COBLL1: variants seen among roughly 807,000 people sequenced by gnomAD.
COBLL1 encodes cordon-bleu protein-like 1.
COBLL1 carries 50 observed loss-of-function variants against 94.8 expected under a neutral mutation model. The observed-to-expected ratio is 0.53, with a 90% confidence interval of 0.42 to 0.67. The LOEUF (loss-of-function observed/expected upper bound fraction) is 0.67, where lower values mean the gene tolerates loss of function less well. Among genes scored for constraint, COBLL1 ranks in the 30% least tolerant of loss-of-function variants. The probability of loss-of-function intolerance (pLI) is 0.00; values close to 1 mark genes in which losing one functional copy is unlikely to be tolerated. For missense variants in COBLL1, 1,362 were observed against 1,348.7 expected, an observed-to-expected ratio of 1.01 and a Z score of -0.15; for synonymous variants, 448 against 473.8, an observed-to-expected ratio of 0.95 and a Z score of 0.71.
In COBLL1 at chr2:164,841,536, C is replaced by T; in HGVS notation, c.-51+174G>A. 1 of 894,742 alleles carries T rather than the reference C, an allele frequency of 1.1e-6. No individual in the cohort carries two copies. Among genetic ancestry groups the T allele is most frequent in the Non-Finnish European group, 1.4e-6 (1 of 713,960 alleles). The allele number at this position is 894,742 out of a possible 1,614,324, so 55.4% of individuals were successfully genotyped here. ...GCGCCTCTCGGAGGGAGAGGAGCCG[C>T]CGGGGCTGGAAAAGGAGGAGGAGCG... is the stretch of plus-strand genomic sequence containing the variant. On this transcript the variant is annotated intron_variant, in intron 1 of 13. Transcript: ENST00000652658. The surrounding 1 kb of genome is among the most constrained non-coding windows in gnomAD (Gnocchi z 5.5).
intron 2 of COBLL1, among the ~76,000 whole-genome samples, chr2:164,836,232 AC>A (rs1683312053): frequency 6.6e-6 from 1 of 152,186 alleles, no homozygotes; most frequent in Admixed American, 6.5e-5. Flanking sequence ...GATGAAAAAA[AC>A]TGCCAGTTTA....
chr2:164,837,605 A>C (rs985553863), intron 2 of COBLL1: 1 of 396,862 alleles, frequency 2.5e-6, no homozygotes, highest in African/African-American at 2.1e-5. Context: ...TAAACCAGTC[A>C]ACTTTCACAT....
chr2:164,750,479 C>T (rs1687072350), intron 2 of COBLL1, among the ~76,000 whole-genome samples: 2 of 152,186 alleles, frequency 1.3e-5, no homozygotes, highest in African/African-American at 4.8e-5. Context: ...TTTTCACCAG[C>T]TCCCTGCTAC....
chr2:164,807,540 T>C (rs1325882219), intron 2 of COBLL1, among the ~76,000 whole-genome samples: 3 of 152,168 alleles, frequency 2.0e-5, no homozygotes, highest in Non-Finnish European at 2.9e-5. Flanking sequence ...CATATATTTG[T>C]TTTGTTGTTT....
intron 2 of COBLL1, among the ~76,000 whole-genome samples, chr2:164,806,546 TAA>T (rs1364021716): frequency 6.6e-6 from 1 of 152,200 alleles, no homozygotes; most frequent in Non-Finnish European, 1.5e-5. Flanking sequence ...TGTAAAACTA[TAA>T]AGAGTGTGTA....
intron 5 of COBLL1, chr2:164,723,391 A>C (rs1009011190): frequency 6.6e-6 from 1 of 152,210 alleles, no homozygotes; most frequent in African/African-American, 2.4e-5. Flanking sequence ...CCCTGGCCCA[A>C]ATTGGCTATA....
rs150990193 is a variant in COBLL1, at chr2:164,695,657, T to C, written c.1735A>G (p.Asn579Asp). The change falls in exon 12 of 14, where the codon AAC becomes GAC. Residue 579 changes from asparagine to aspartate, a missense_variant. Asn to Asp is a conservative substitution (Grantham distance 23). Transcript: ENST00000652658. ...GGTACTGATGAAGCTGCTAGATGGT[T>C]TTCCTTGTAACTTATAGCAGTATCA... ...ETDTAISYKENHLAASSVPDQ... is the reference protein window; with the variant it reads ...ETDTAISYKEDHLAASSVPDQ... The C allele has an allele frequency of 4.2e-4, 678 of 1,613,904 alleles. 3 individuals carry two copies. In the East Asian group the frequency reaches 0.014, roughly 34 times the overall value.
intron 13 of COBLL1, among the ~76,000 whole-genome samples, chr2:164,691,934 C>A (rs1683619814): frequency 6.6e-6 from 1 of 152,078 alleles, no homozygotes; most frequent in Non-Finnish European, 1.5e-5. Flanking sequence ...TCTCGAGGTG[C>A]TAACATAATC....
chr2:164,722,233 A>G lies in COBLL1; in HGVS notation c.838T>C (p.Tyr280His). ...TCCGACGGCAGGGTGTTGGAAATAT[A>G]TGGTTTGGAAATGGTATTGGACCTT... ...FTRSNTISKP[Y>H]ISNTLPSDAP... The change falls in exon 7 of 14, where the codon TAT (tyrosine) becomes CAT (histidine). Residue 280 changes from tyrosine (Y) to histidine (H), a missense_variant. By Grantham distance (83) the Tyr-to-His change is moderately conservative. Coordinates refer to ENST00000652658, the MANE Select transcript of COBLL1 (RefSeq NM_001365672.2). 1.2e-6 allele frequency: 2 copies of G among 1,613,988 alleles called. No individual in the cohort carries two copies. Among genetic ancestry groups the G allele is most frequent in the Non-Finnish European group, 1.7e-6 (2 of 1,179,976 alleles).
chr2:164,815,920 C>G (rs1167776310), intron 2 of COBLL1, among the ~76,000 whole-genome samples: 1 of 151,936 alleles, frequency 6.6e-6, no homozygotes, highest in Admixed American at 6.6e-5. Context: ...TTTCTTAGAC[C>G]ATCGAAATCC....
chr2:164,723,500 A>G (rs980019823), intron 5 of COBLL1: 11 of 152,318 alleles, frequency 7.2e-5, no homozygotes, highest in African/African-American at 2.6e-4. Flanking sequence ...ACATCTAGCC[A>G]TACTAGAAAG....
chr2:164,673,059 C>T (rs1420548211), intron 1 of COBLL1, among the ~76,000 whole-genome samples: 1 of 152,106 alleles, frequency 6.6e-6, no homozygotes, highest in Non-Finnish European at 1.5e-5. Context: ...GAACTTTTCT[C>T]ATGAAATATA....
In COBLL1 at chr2:164,661,420, G is replaced by A. The variant is rs139018179; in HGVS notation, n.181+4427C>T. Reference sequence around the variant, plus strand: ...TCTTTCACAATAAATTGATAGTTATGTAAGAATAGTATTTTACTTTGTTTA... The same window carrying A: ...TCTTTCACAATAAATTGATAGTTATATAAGAATAGTATTTTACTTTGTTTA... On this transcript the variant is annotated intron_variant and non_coding_transcript_variant, in intron 2 of 2. Transcript: ENST00000495084. Among the ~76,000 whole-genome samples, 294 of 152,220 alleles carry A rather than the reference G, an allele frequency of 1.9e-3. 3 individuals carry two copies. The highest frequency in any genetic ancestry group is 3.4e-3 in the Middle Eastern group (1 of 294).
chr2:164,712,473 T>G (rs1041219284), intron 7 of COBLL1, among the ~76,000 whole-genome samples: 31 of 152,114 alleles, frequency 2.0e-4, no homozygotes, highest in Admixed American at 1.8e-3. Context: ...TTCTCCAACC[T>G]GGACATTCAC....
intron 2 of COBLL1, among the ~76,000 whole-genome samples, chr2:164,782,979 AT>A (rs557317998): frequency 6.6e-6 from 1 of 151,862 alleles, no homozygotes; most frequent in African/African-American, 2.4e-5. Flanking sequence ...TTGCTTTCCC[AT>A]TTTTTTTCAT....
At position 164,841,576 on chromosome 2, in the gene COBLL1, G is replaced by A; in HGVS notation, c.-51+134C>T. 3 of 539,482 alleles carry A rather than the reference G, an allele frequency of 5.6e-6. No homozygotes were observed. The highest frequency in any genetic ancestry group is 7.7e-6 in the Non-Finnish European group (3 of 391,378). The allele number at this position is 539,482 out of a possible 1,614,324, so 33.4% of individuals were successfully genotyped here. A position where few individuals can be genotyped will look rare whatever the true frequency, so the allele number is the denominator to read the frequency against. The stretch of plus-strand genomic sequence containing the variant: ...GAGGAGGAGCGGGGCCGGGCGCACG[G>A]GCACCGCTGCCACGCCGGCAGCGCA... On this transcript the variant is annotated intron_variant, in intron 1 of 13. Coordinates refer to ENST00000652658, the MANE Select transcript of COBLL1 (RefSeq NM_001365672.2). This position sits in a 1 kb window ranked among gnomAD's most constrained non-coding sequence, Gnocchi z 5.5.
At chr2:164,777,531 C>G (rs1236628268) in intron 2 of COBLL1, among the ~76,000 whole-genome samples, 1 of 152,144 alleles carries the variant, frequency 6.6e-6, no homozygotes, top group Non-Finnish European at 1.5e-5. Flanking sequence ...GAGAGTGACA[C>G]AGGAATGCTG....
At chr2:164,658,794 G>T (rs1275808130) in intron 2 of COBLL1, among the ~76,000 whole-genome samples, 1 of 152,150 alleles carries the variant, frequency 6.6e-6, no homozygotes, top group Non-Finnish European at 1.5e-5. Context: ...TCCTCATGAG[G>T]TTCCCCAATC....
Position 164,695,843 on chromosome 2 carries a change from G to T in COBLL1, c.1556-7C>A. ...ATTATTTCATTTTGAACTACTGAGA[G>T]AAAAAAATCATCAAGTTAAATATAT... On this transcript the variant is annotated splice_region_variant and splice_polypyrimidine_tract_variant and intron_variant, in intron 11 of 13. Transcript: ENST00000652658. 1 of 1,531,728 alleles carries T rather than the reference G, an allele frequency of 6.5e-7. No individual in the cohort carries two copies. Among genetic ancestry groups the T allele is most frequent in the Middle Eastern group, 2.0e-4 (1 of 5,046 alleles). The allele number at this position is 1,531,728 out of a possible 1,614,324, so 94.9% of individuals were successfully genotyped here.
Sources: gnomAD v4.1 joint callset for allele counts (sites outside exome capture counted in the v4.1 genomes callset) on GRCh38, gnomAD v4.1.1 for gene constraint, Gnocchi (gnomAD v3.1) non-coding constraint, MANE v1.5 for transcripts, NCBI Gene and HGNC (gene_info 2026-07-23, HGNC 2026-07-21) for gene names.